Variants in CFB observed in about 807,000 individuals in gnomAD.
CFB encodes the protein B-factor, properdin.
In CFB, 59 loss-of-function variants were observed where a neutral mutation model predicts 97.2. That is an observed-to-expected ratio of 0.61 (90% CI 0.49 to 0.75). The LOEUF is 0.75. Among genes scored for constraint, CFB ranks in the 30% least tolerant of loss-of-function variants. The probability of loss-of-function intolerance (pLI) is 0.00; values close to 1 mark genes in which losing one functional copy is unlikely to be tolerated. For missense variants in CFB, 771 were observed against 959.8 expected (o/e 0.80, Z 2.60); for synonymous variants, 316 against 351.7 (o/e 0.90, Z 1.14).
chr6:31,946,989 T>C lies in CFB; in HGVS notation c.299-18T>C, dbSNP rs1381191245. 2 of 1,612,804 alleles carry C rather than the reference T, an allele frequency of 1.2e-6. No homozygotes were observed. The highest frequency in any genetic ancestry group is 8.5e-7 in the Non-Finnish European group (1 of 1,179,962). Reference sequence around the variant, plus strand: ...CCTTTCCCTCTTGATGACTTCTACTTGTCCCCCCTTCTCAAAGCAATCCAC... The same window carrying C: ...CCTTTCCCTCTTGATGACTTCTACTCGTCCCCCCTTCTCAAAGCAATCCAC... On this transcript the variant is annotated intron_variant, in intron 2 of 17. Transcript: ENST00000425368. This position sits in a 1 kb window ranked among gnomAD's most constrained non-coding sequence, Gnocchi z 6.4.
intron 10 of CFB, 190 bp downstream of exon 10, chr6:31,949,747 T>G: frequency 1.3e-6 from 1 of 768,992 alleles, no homozygotes; most frequent in Non-Finnish European, 2.1e-6. Flanking sequence ...CTCTGAGCAC[T>G]TCAGAGATCT....
rs563301329 is a variant in CFB at position 31,951,311 on chromosome 6, ACTTCTCCATGCTT to A, written c.1957-28_1957-16del. 10 of 1,614,004 alleles carry A rather than the reference ACTTCTCCATGCTT, an allele frequency of 6.2e-6. No homozygotes were observed. The Admixed American group carries it at 6.7e-5, about 11-fold the overall frequency. ...CCTTCCTAAGCCACTTCTGTTCATT[ACTTCTCCATGCTT>A]CCCACCTCCCCTACAGAAAGGCAGC... On this transcript the variant is annotated splice_polypyrimidine_tract_variant and intron_variant, in intron 15 of 17. Coordinates refer to ENST00000425368, the MANE Select transcript of CFB (RefSeq NM_001710.6). This position sits in a 1 kb window ranked among gnomAD's most constrained non-coding sequence, Gnocchi z 4.3.
At chr6:31,948,573 G>C in intron 7 of CFB, 61 bp downstream of exon 7, 1 of 1,608,542 alleles carries the variant, frequency 6.2e-7, no homozygotes, top group Non-Finnish European at 8.5e-7. Flanking sequence ...GGGTGGAGGG[G>C]GTCATGAGAC....
rs753097204 is a variant in CFB, at chr6:31,947,756, G to A, written c.673G>A (p.Asp225Asn). The part of the protein sequence containing the change: ...EPSCQDSFMY[D>N]TPQEVAEAFL... ...GACTCTCCCAGACTCCTTCATGTAC[G>A]ACACCCCTCAAGAGGTGGCCGAAGC... The change falls in exon 5 of 18, where the codon GAC becomes AAC. Residue 225 changes from aspartate (D) to asparagine (N), a missense_variant. By Grantham distance (23) the Asp-to-Asn change is conservative. Transcript: ENST00000425368. The surrounding 1 kb of genome is among the most constrained non-coding windows in gnomAD (Gnocchi z 5.3). The A allele has an allele frequency of 1.2e-5, 20 of 1,612,898 alleles. No individual in the cohort carries two copies. Among genetic ancestry groups the A allele is most frequent in the South Asian group, 5.5e-5 (5 of 91,068 alleles).
chr6:31,950,987 G>A, intron 14 of CFB, 43 bp downstream of exon 14: 4 of 1,605,780 alleles, frequency 2.5e-6, no homozygotes, highest in Non-Finnish European at 3.4e-6. Context: ...GATCCCAAGA[G>A]ACAAGTGGGG....
At position 31,947,041 on chromosome 6, in the gene CFB, C is replaced by T. The variant is rs142827661; in HGVS notation, c.333C>T (p.Asn111=). ...IHCPRPHDFE[N]GEYWPRSPYY... ...GTCCAAGACCACACGACTTCGAGAA[C>T]GGGGAATACTGGCCCCGGTCTCCCT... Residue 111 remains asparagine, a synonymous_variant, in exon 3 of 18, where the codon AAC becomes AAT. Coordinates refer to ENST00000425368, the MANE Select transcript of CFB (RefSeq NM_001710.6). This position sits in a 1 kb window ranked among gnomAD's most constrained non-coding sequence, Gnocchi z 5.3. 38 of 1,612,988 alleles carry T rather than the reference C, an allele frequency of 2.4e-5. No individual in the cohort carries two copies. The highest frequency in any genetic ancestry group is 1.6e-4 in the Middle Eastern group (1 of 6,062).
chr6:31,947,932 T>C lies in CFB; in HGVS notation c.761-13T>C. On this transcript the variant is annotated splice_polypyrimidine_tract_variant and intron_variant, in intron 5 of 17. Coordinates refer to ENST00000425368, the MANE Select transcript of CFB (RefSeq NM_001710.6). The surrounding 1 kb of genome is among the most constrained non-coding windows in gnomAD (Gnocchi z 5.3). ...GTTAATGCTGGAGCCTGAGCCACTC[T>C]CCTGGCACCCAGGGGAACAACAGAA... 6.2e-7 allele frequency: 1 copy of C among 1,614,224 alleles called. No individual in the cohort carries two copies. The highest frequency in any genetic ancestry group is 8.5e-7 in the Non-Finnish European group (1 of 1,180,034).
Position 31,951,117 on chromosome 6 carries a change from C to T in CFB, c.1856-27C>T. ...GGGGAGATGACAGTGGTGGGAGCAG[C>T]TGAAGTGACGCAGTCTATTCGTCCA... On this transcript the variant is annotated intron_variant, in intron 14 of 17. Coordinates refer to ENST00000425368, the MANE Select transcript of CFB (RefSeq NM_001710.6). The surrounding 1 kb of genome is among the most constrained non-coding windows in gnomAD (Gnocchi z 4.3). The T allele has an allele frequency of 6.2e-7, 1 of 1,609,040 alleles. No homozygotes were observed. The highest frequency in any genetic ancestry group is 1.3e-5 in the African/African-American group (1 of 74,916).
chr6:31,947,035 C>T lies in CFB; in HGVS notation c.327C>T (p.Phe109=), dbSNP rs750266296. 1.1e-5 allele frequency: 18 copies of T among 1,612,856 alleles called. No individual in the cohort carries two copies. Among genetic ancestry groups the T allele is most frequent in the African/African-American group, 2.7e-5 (2 of 74,856 alleles). The change falls in exon 3 of 18, where the codon TTC becomes TTT. Residue 109 remains phenylalanine (F), a synonymous_variant. Coordinates refer to ENST00000425368, the MANE Select transcript of CFB (RefSeq NM_001710.6). The surrounding 1 kb of genome is among the most constrained non-coding windows in gnomAD (Gnocchi z 5.3). ...TCCACTGTCCAAGACCACACGACTT[C>T]GAGAACGGGGAATACTGGCCCCGGT... ...RAIHCPRPHD[F]ENGEYWPRSP...
rs577473439 is a variant in CFB at position 31,947,266 on chromosome 6, C to T, written c.484+74C>T. ...AGCCCGAGGAGTGGGCACTCGGCTC[C>T]GGACACTGTAACTCTTGCTCTCTAC... is the stretch of plus-strand genomic sequence containing the variant. On this transcript the variant is annotated intron_variant, in intron 3 of 17. Transcript: ENST00000425368. This position sits in a 1 kb window ranked among gnomAD's most constrained non-coding sequence, Gnocchi z 5.3. 2,676 of 1,610,906 alleles carry T rather than the reference C, an allele frequency of 1.7e-3. 3 individuals carry two copies. Among genetic ancestry groups the T allele is most frequent in the Non-Finnish European group, 2.1e-3 (2,516 of 1,179,370 alleles).
intron 7 of CFB, 62 bp downstream of exon 7, chr6:31,948,574 G>A (rs1771576371): frequency 6.2e-7 from 1 of 1,608,020 alleles, no homozygotes; most frequent in Non-Finnish European, 8.5e-7. Context: ...GGTGGAGGGG[G>A]TCATGAGACT....
chr6:31,950,105 C>A lies in CFB; in HGVS notation c.1464C>A (p.Thr488=). The change falls in exon 11 of 18, where the codon ACC becomes ACA. Residue 488 remains threonine, a synonymous_variant. Transcript: ENST00000425368. ...TGGTTTGGGAACACAGGAAGGGTAC[C>A]GATTACCACAAGCAACCATGGCAGG... ...CGMVWEHRKG[T]DYHKQPWQAK... The A allele has an allele frequency of 6.2e-7, 1 of 1,612,998 alleles. No homozygotes were observed. Among genetic ancestry groups the A allele is most frequent in the East Asian group, 2.2e-5 (1 of 44,880 alleles).
At position 31,951,953 on chromosome 6, in the gene CFB, G is replaced by A; in HGVS notation, c.2218G>A (p.Asp740Asn). Reference sequence around the variant, plus strand: ...AAAGCAGGTACCTGCTCACGCCCGAGACTTTCACATCAACCTCTTTCAAGT... The same window carrying A: ...AAAGCAGGTACCTGCTCACGCCCGAAACTTTCACATCAACCTCTTTCAAGT... ...RQKQVPAHAR[D>N]FHINLFQVLP... Residue 740 changes from aspartate (D) to asparagine (N), a missense_variant, in exon 18 of 18, where the codon GAC becomes AAC. Physicochemically the swap from Asp to Asn is conservative, Grantham distance 23. Transcript: ENST00000425368. This position sits in a 1 kb window ranked among gnomAD's most constrained non-coding sequence, Gnocchi z 4.3. 6.2e-7 allele frequency: 1 copy of A among 1,613,124 alleles called. No homozygotes were observed. The highest frequency in any genetic ancestry group is 8.5e-7 in the Non-Finnish European group (1 of 1,180,046).
Position 31,951,119 on chromosome 6 carries a change from G to GA in CFB, c.1856-23dup, listed in dbSNP as rs749107211. ...GGAGATGACAGTGGTGGGAGCAGCT[G>GA]AAGTGACGCAGTCTATTCGTCCAGA... On this transcript the variant is annotated intron_variant, in intron 14 of 17. Coordinates refer to ENST00000425368, the MANE Select transcript of CFB (RefSeq NM_001710.6). This position sits in a 1 kb window ranked among gnomAD's most constrained non-coding sequence, Gnocchi z 4.3. 13 of 1,609,212 alleles carry GA rather than the reference G, an allele frequency of 8.1e-6. No homozygotes were observed. In the Admixed American group the frequency reaches 8.3e-5, roughly 10 times the overall value.
Position 31,950,014 on chromosome 6 carries a change from G to A in CFB, c.1409-36G>A, listed in dbSNP as rs561714547. 5 of 1,603,990 alleles carry A rather than the reference G, an allele frequency of 3.1e-6. No individual in the cohort carries two copies. The South Asian group carries it at 3.3e-5, about 11-fold the overall frequency. On this transcript the variant is annotated intron_variant, in intron 10 of 17. Coordinates refer to ENST00000425368, the MANE Select transcript of CFB (RefSeq NM_001710.6). The stretch of plus-strand genomic sequence containing the variant: ...GGCTGCTGCCATTTGGGAATGAAGT[G>A]TTCCGAGTTTTCAGCACATTCTCCT...
Position 31,946,411 on chromosome 6 carries a change from G to C in CFB, c.103G>C (p.Gly35Arg). Residue 35 changes from glycine (G) to arginine (R), a missense_variant, in exon 2 of 18, where the codon GGA becomes CGA. Gly to Arg is a moderately radical substitution (Grantham distance 125, BLOSUM62 -2). Transcript: ENST00000425368. This position sits in a 1 kb window ranked among gnomAD's most constrained non-coding sequence, Gnocchi z 6.4. ...TCCATGGTCTTTGGCCCGGCCCCAGGGATCCTGCTCTCTGGAGGGGGTAGA... is the reference window on the plus strand; with the variant it reads ...TCCATGGTCTTTGGCCCGGCCCCAGCGATCCTGCTCTCTGGAGGGGGTAGA... Reference protein sequence around the residue: ...TTPWSLARPQGSCSLEGVEIK... With the variant: ...TTPWSLARPQRSCSLEGVEIK... The C allele has an allele frequency of 6.2e-7, 1 of 1,613,068 alleles. No homozygotes were observed. Among genetic ancestry groups the C allele is most frequent in the South Asian group, 1.1e-5 (1 of 91,090 alleles).
chr6:31,947,134 T>A lies in CFB; in HGVS notation c.426T>A (p.Asn142Lys), dbSNP rs1218324567. The A allele has an allele frequency of 6.2e-7, 1 of 1,612,990 alleles. No individual in the cohort carries two copies. The highest frequency in any genetic ancestry group is 1.7e-5 in the Admixed American group (1 of 60,022). The stretch of plus-strand genomic sequence containing the variant: ...GTTACACTCTCCGGGGCTCTGCCAA[T>A]CGCACCTGCCAAGTGAATGGCCGAT... ...YDGYTLRGSANRTCQVNGRWS... is the reference protein window; with the variant it reads ...YDGYTLRGSAKRTCQVNGRWS... The change falls in exon 3 of 18, where the codon AAT becomes AAA. Residue 142 changes from asparagine (N) to lysine (K), a missense_variant. Transcript: ENST00000425368. The surrounding 1 kb of genome is among the most constrained non-coding windows in gnomAD (Gnocchi z 5.3).
rs377314775 is a variant in CFB, at chr6:31,947,240, C to T, written c.484+48C>T. ...ACATTGCTGTCTCCCTGACGGCGCCCAGCCCGAGGAGTGGGCACTCGGCTC... is the reference window on the plus strand; with the variant it reads ...ACATTGCTGTCTCCCTGACGGCGCCTAGCCCGAGGAGTGGGCACTCGGCTC... On this transcript the variant is annotated intron_variant, in intron 3 of 17. Coordinates refer to ENST00000425368, the MANE Select transcript of CFB (RefSeq NM_001710.6). The surrounding 1 kb of genome is among the most constrained non-coding windows in gnomAD (Gnocchi z 5.3). The T allele has an allele frequency of 9.9e-6, 16 of 1,611,148 alleles. No homozygotes were observed. Among genetic ancestry groups the T allele is most frequent in the Non-Finnish European group, 1.4e-5 (16 of 1,179,440 alleles).
intron 12 of CFB, 55 bp downstream of exon 12, chr6:31,950,458 C>T (rs750052520): frequency 6.4e-7 from 1 of 1,573,932 alleles, no homozygotes; most frequent in Admixed American, 1.7e-5. Flanking sequence ...GGCAACACCT[C>T]CCACTTTCTA....
Sources: allele counts gnomAD v4.1 joint callset, GRCh38; gene constraint gnomAD v4.1.1; non-coding constraint Gnocchi (gnomAD v3.1); transcripts MANE v1.5; gene names NCBI Gene and HGNC (gene_info 2026-07-23, HGNC 2026-07-21).